Variants in DHRSX observed in about 807,000 individuals in gnomAD.
The protein encoded by DHRSX is polyprenol dehydrogenase.
A neutral mutation model predicts 34.0 loss-of-function variants in DHRSX; 31 were observed. The observed-to-expected ratio is 0.91, with a 90% confidence interval of 0.69 to 1.23. DHRSX has a LOEUF of 1.23. Ranked by LOEUF, DHRSX falls within the 50% of genes most tolerant of loss-of-function variation. The pLI, the probability that DHRSX is intolerant of heterozygous loss-of-function variation, is 0.00. For synonymous variants in DHRSX, 201 were observed against 183.8 expected, an observed-to-expected ratio of 1.09 and a Z score of -0.76; for missense variants, 414 against 428.1, an observed-to-expected ratio of 0.97 and a Z score of 0.29.
chrX:2,266,923 C>T lies in DHRSX; in HGVS notation c.413G>A (p.Arg138Lys), dbSNP rs1281745389. ...NNAGVMMVPQ[R>K]KTRDGFEEHF... Reference sequence around the variant, plus strand: ...TTCTTCGAATCCATCTCTGGTTTTCCTCTGAGGGACCATCATCACCCCAGC... The same window carrying T: ...TTCTTCGAATCCATCTCTGGTTTTCTTCTGAGGGACCATCATCACCCCAGC... Residue 138 changes from arginine to lysine, a missense_variant, in exon 5 of 7, where the codon AGG becomes AAG. Arg to Lys is a conservative substitution (Grantham distance 26). Coordinates refer to ENST00000334651, the MANE Select transcript of DHRSX (RefSeq NM_145177.3). The T allele has an allele frequency of 6.2e-7, 1 of 1,613,868 alleles. No homozygotes were observed. Among genetic ancestry groups the T allele is most frequent in the African/African-American group, 1.3e-5 (1 of 74,932 alleles).
chrX:2,247,961 C>T (rs2016337402), intron 5 of DHRSX, among the ~76,000 whole-genome samples: 1 of 151,722 alleles, frequency 6.6e-6, no homozygotes, highest in Admixed American at 6.6e-5. Flanking sequence ...ATAAATAGGA[C>T]TCTAAGTTTC....
chrX:2,323,309 T>C (rs2042335900), intron 3 of DHRSX, among the ~76,000 whole-genome samples: 1 of 152,124 alleles, frequency 6.6e-6, no homozygotes, highest in South Asian at 2.1e-4. Flanking sequence ...CATCTCCAAA[T>C]GCATTTGAAA....
intron 5 of DHRSX, among the ~76,000 whole-genome samples, chrX:2,253,659 C>T (rs1194763049): frequency 2.0e-5 from 3 of 152,234 alleles, no homozygotes; most frequent in Admixed American, 1.3e-4. Context: ...AAGCCACCTG[C>T]TACTAAATCT....
At chrX:2,383,574 G>A (rs923121578) in intron 3 of DHRSX, among the ~76,000 whole-genome samples, 14 of 152,128 alleles carry the variant, frequency 9.2e-5, no homozygotes, top group Admixed American at 2.6e-4. Context: ...CATTGTGGCA[G>A]CTGTCATTCA....
At chrX:2,252,892 C>T (rs2016464709) in intron 5 of DHRSX, among the ~76,000 whole-genome samples, 1 of 152,110 alleles carries the variant, frequency 6.6e-6, no homozygotes, top group Non-Finnish European at 1.5e-5. Flanking sequence ...TGACAAAAGT[C>T]GTTGGTATTA....
Position 2,328,079 on chromosome X carries a change from C to CAAAAA in DHRSX, c.287-36481_287-36477dup, listed in dbSNP as rs35824420. On this transcript the variant is annotated intron_variant, in intron 3 of 6. Coordinates refer to ENST00000334651, the MANE Select transcript of DHRSX (RefSeq NM_145177.3). ...TGGGCGACAGAGCGAGACTCCGTCT[C>CAAAAA]AAAAAAAAAAAGAGGAGGAGATGAG... Among the ~76,000 whole-genome samples, 26 of 118,522 alleles carry CAAAAA rather than the reference C, an allele frequency of 2.2e-4. 1 individual carries two copies. Among genetic ancestry groups the CAAAAA allele is most frequent in the Non-Finnish European group, 1.7e-5 (1 of 59,154 alleles). 77.8% of individuals were successfully genotyped at this position (118,522 alleles called of 152,430 possible).
chrX:2,247,857 C>T (rs778564436), intron 5 of DHRSX, among the ~76,000 whole-genome samples: 4 of 152,072 alleles, frequency 2.6e-5, no homozygotes, highest in African/African-American at 9.7e-5. Context: ...AGACCCATTT[C>T]GCCCCAAGGG....
chrX:2,255,547 C>T (rs1203158083), intron 5 of DHRSX, among the ~76,000 whole-genome samples: 1 of 152,148 alleles, frequency 6.6e-6, no homozygotes, highest in East Asian at 1.9e-4. Flanking sequence ...CAGTGAGGCA[C>T]GCCCATGCCT....
rs181292876 is a variant in DHRSX at position 2,477,077 on chromosome X, T to C, written c.109+23740A>G. On this transcript the variant is annotated intron_variant, in intron 1 of 6. Transcript: ENST00000334651. ...TATTTTACTAAATTTTTTGTAAGTC[T>C]TTTAAAATATTAGGGTAGTGTCTTA... Among the ~76,000 whole-genome samples, 338 of 152,278 alleles carry C rather than the reference T, an allele frequency of 2.2e-3. 3 individuals carry two copies. Among genetic ancestry groups the C allele is most frequent in the African/African-American group, 6.9e-3 (285 of 41,552 alleles).
In DHRSX at chrX:2,275,484, G is replaced by A. The variant is rs142666825; in HGVS notation, c.389-8537C>T. On this transcript the variant is annotated intron_variant, in intron 4 of 6. Transcript: ENST00000334651. ...ATATCGTGCACTGCACTCCAGCCCC[G>A]GCCGACAACAGCGAGACTATGTTTC... Among the ~76,000 whole-genome samples the A allele has an allele frequency of 2.0e-3, 302 of 149,240 alleles. 10 individuals are homozygous for A. In the East Asian group the frequency reaches 0.051, roughly 25 times the overall value.
intron 6 of DHRSX, among the ~76,000 whole-genome samples, chrX:2,233,160 A>C (rs2015936917): frequency 6.6e-6 from 1 of 151,086 alleles, no homozygotes; most frequent in East Asian, 2.0e-4. Context: ...GTGTAGAGCA[A>C]GGAACTGTGG....
intron 3 of DHRSX, among the ~76,000 whole-genome samples, chrX:2,357,361 A>G (rs2042868757): frequency 6.6e-6 from 1 of 152,170 alleles, no homozygotes. Context: ...AAAGAAAAAA[A>G]AAATCCCTGA....
At chrX:2,388,850 A>G (rs2043302297) in intron 3 of DHRSX, among the ~76,000 whole-genome samples, 1 of 151,878 alleles carries the variant, frequency 6.6e-6, no homozygotes, top group South Asian at 2.1e-4. Context: ...AGCCTATGGT[A>G]TTCTGTGACA....
intron 2 of DHRSX, among the ~76,000 whole-genome samples, chrX:2,421,682 C>G (rs993950276): frequency 6.6e-6 from 1 of 152,130 alleles, no homozygotes; most frequent in Non-Finnish European, 1.5e-5. Context: ...TGGGCAGCAG[C>G]CGTGCATTTG....
chrX:2,496,728 C>G (rs2045294486), intron 1 of DHRSX, among the ~76,000 whole-genome samples: 1 of 151,886 alleles, frequency 6.6e-6, no homozygotes, highest in Non-Finnish European at 1.5e-5. Flanking sequence ...TTCCACAATG[C>G]AAACATACAG....
chrX:2,469,901 G>A (rs891757508), intron 1 of DHRSX, among the ~76,000 whole-genome samples: 2 of 152,156 alleles, frequency 1.3e-5, no homozygotes, highest in African/African-American at 2.4e-5. Flanking sequence ...CCACCACTGG[G>A]TGTGTACCCA....
At chrX:2,432,894 G>A (rs1217900422) in intron 1 of DHRSX, among the ~76,000 whole-genome samples, 1 of 152,142 alleles carries the variant, frequency 6.6e-6, no homozygotes, top group East Asian at 1.9e-4. Context: ...GGGCTGAGGT[G>A]GGGGTATCGC....
chrX:2,274,815 A>C (rs2124472718), intron 4 of DHRSX, among the ~76,000 whole-genome samples: 1 of 152,276 alleles, frequency 6.6e-6, no homozygotes, highest in South Asian at 2.1e-4. Context: ...ACGGAACGAA[A>C]GCCTGACATA....
chrX:2,240,657 G>A (rs1233056628), intron 6 of DHRSX, among the ~76,000 whole-genome samples: 2 of 151,948 alleles, frequency 1.3e-5, no homozygotes, highest in Admixed American at 6.6e-5. Context: ...TCGCTCTTCC[G>A]AAAATTCCTC....
Sources: gnomAD v4.1 joint callset for allele counts (sites outside exome capture counted in the v4.1 genomes callset) on GRCh38, gnomAD v4.1.1 for gene constraint, MANE v1.5 for transcripts, NCBI Gene and HGNC (gene_info 2026-07-23, HGNC 2026-07-21) for gene names.